The following CPLANE1 variants were observed in gnomAD, a reference collection of about 807,000 sequenced individuals.
CPLANE1 encodes ciliogenesis and planar polarity effector complex subunit 1, also known as ciliogenesis and planar polarity effector 1.
Under a neutral mutation model 362.5 loss-of-function variants are expected in CPLANE1, and 263 were observed. The observed-to-expected ratio is 0.73, with a 90% confidence interval of 0.66 to 0.80. The LOEUF (loss-of-function observed/expected upper bound fraction) is 0.80. CPLANE1 is among the 30% of genes least tolerant of loss of function. The probability of loss-of-function intolerance (pLI) is 0.00; values close to 1 mark genes in which losing one functional copy is unlikely to be tolerated. For synonymous variants in CPLANE1, 1,212 were observed against 1,302.6 expected (o/e 0.93, Z 1.50); for missense variants, 3,461 against 3,793.4 (o/e 0.91, Z 2.30).
chr5:37,160,892 C>T (rs1334511953), intron 38 of CPLANE1, among the ~76,000 whole-genome samples: 2 of 151,978 alleles, frequency 1.3e-5, no homozygotes, highest in East Asian at 1.9e-4. Context: ...AGGATGGTCT[C>T]GATCTCTTGA....
At chr5:37,118,178 G>A (rs1269115231) in intron 50 of CPLANE1, among the ~76,000 whole-genome samples, 2 of 151,914 alleles carry the variant, frequency 1.3e-5, no homozygotes, top group Non-Finnish European at 2.9e-5. Flanking sequence ...GTAGATGCTT[G>A]AGCTCAGGAG....
chr5:37,092,381 C>G, the CPLANE1 span, among the ~76,000 whole-genome samples: 1 of 152,232 alleles, frequency 6.6e-6, no homozygotes, highest in Non-Finnish European at 1.5e-5. Flanking sequence ...ACAGCCTTAG[C>G]TACAGGTAGC....
rs61112118 is a variant in CPLANE1 at position 37,187,060 on chromosome 5, C to CAAAAAAAAAAAAAAAAA, written c.4080+337_4080+353dup. On this transcript the variant is annotated intron_variant, in intron 23 of 52. Transcript: ENST00000651892. ...TGGGTGACAGAGCGAGACTCCGTCT[C>CAAAAAAAAAAAAAAAAA]AAAAAAAAAAAAAAAAAAAAAAAAA... Among the ~76,000 whole-genome samples the CAAAAAAAAAAAAAAAAA allele has an allele frequency of 8.3e-4, 42 of 50,404 alleles. 5 individuals are homozygous for CAAAAAAAAAAAAAAAAA. The highest frequency in any genetic ancestry group is 3.4e-3 in the African/African-American group (37 of 11,002). 33.1% of individuals were successfully genotyped at this position (50,404 alleles called of 152,430 possible). A position where few individuals can be genotyped will look rare whatever the true frequency, so the allele number is the denominator to read the frequency against.
chr5:37,204,531 A>G (rs1790126670), intron 18 of CPLANE1, among the ~76,000 whole-genome samples: 1 of 152,220 alleles, frequency 6.6e-6, no homozygotes, highest in African/African-American at 2.4e-5. Context: ...TCTATAATTT[A>G]TGCACTAGGT....
intron 44 of CPLANE1, chr5:37,139,791 T>C (rs772764528): frequency 1.8e-4 from 166 of 913,724 alleles, no homozygotes; most frequent in Non-Finnish European, 2.1e-4. Context: ...CTCAAGTGAT[T>C]CACCTGCCTT....
In CPLANE1 at chr5:37,169,022, C is replaced by T. The variant is rs753060120; in HGVS notation, c.7002G>A (p.Val2334=). 10 of 1,614,176 alleles carry T rather than the reference C, an allele frequency of 6.2e-6. No individual in the cohort carries two copies. In the East Asian group the frequency reaches 2.0e-4, roughly 32 times the overall value. The change falls in exon 34 of 53, where the codon GTG becomes GTA. Residue 2334 remains valine (V), a synonymous_variant. Transcript: ENST00000651892. ...ENLTPQQDSS[V]FIKPEKLFDV... is the part of the protein sequence containing the mutation. ...CAAATAGTTTTTCTGGTTTTATAAACACTGAAGAGTCCTGTTGAGGTGTCA... is the reference window on the plus strand; with the variant it reads ...CAAATAGTTTTTCTGGTTTTATAAATACTGAAGAGTCCTGTTGAGGTGTCA...
intron 21 of CPLANE1, among the ~76,000 whole-genome samples, chr5:37,192,132 T>C (rs1011683812): frequency 3.3e-5 from 5 of 152,238 alleles, no homozygotes; most frequent in African/African-American, 1.2e-4. Flanking sequence ...TTTCAATGTT[T>C]AGATATGTTT....
chr5:37,192,871 AC>A (rs1297221574), intron 21 of CPLANE1, among the ~76,000 whole-genome samples: 200 of 145,940 alleles, frequency 1.4e-3, no homozygotes, highest in Middle Eastern at 0.011. Flanking sequence ...AAAAAAAAAA[AC>A]AAATACCTCA....
chr5:37,136,366 G>A (rs1767710629), intron 46 of CPLANE1, among the ~76,000 whole-genome samples: 1 of 152,238 alleles, frequency 6.6e-6, no homozygotes, highest in Admixed American at 6.5e-5. Flanking sequence ...TCATGCTGAT[G>A]CAAGAGGTGG....
chr5:37,211,127 T>C, intron 16 of CPLANE1: 3 of 1,138,928 alleles, frequency 2.6e-6, no homozygotes. Context: ...TAAGTGGGGA[T>C]TTCTTGAACA....
chr5:37,138,116 T>C (rs1227414149), intron 46 of CPLANE1, among the ~76,000 whole-genome samples: 4 of 152,212 alleles, frequency 2.6e-5, no homozygotes, highest in Admixed American at 2.0e-4. Flanking sequence ...TTTGATGATA[T>C]GTCCAACTTT....
At chr5:37,162,092 C>G (rs1293868407) in intron 38 of CPLANE1, among the ~76,000 whole-genome samples, 2 of 152,106 alleles carry the variant, frequency 1.3e-5, no homozygotes, top group African/African-American at 2.4e-5. Flanking sequence ...AGTTAAATAC[C>G]CCTCCCTCAC....
At chr5:37,105,192 T>C (rs769245602), downstream of CPLANE1, among the ~76,000 whole-genome samples, 6 of 151,798 alleles carry the variant, frequency 4.0e-5, no homozygotes, top group Non-Finnish European at 7.4e-5. Flanking sequence ...CCCAGCTACT[T>C]GGGTAGTCGA....
chr5:37,184,876 G>C lies in CPLANE1; in HGVS notation c.4393C>G (p.Leu1465Val). Residue 1465 changes from leucine (L) to valine (V), a missense_variant, in exon 25 of 53, where the codon CTA becomes GTA. Physicochemically the swap from Leu to Val is conservative, Grantham distance 32. This residue lies in a region of CPLANE1 where 3,380 missense variants were observed against 3,666.1 expected (regional missense o/e 0.92). Coordinates refer to ENST00000651892, the MANE Select transcript of CPLANE1 (RefSeq NM_001384732.1). ...TSLSRSTLTELGDSVVHSDAD... is the reference protein window; with the variant it reads ...TSLSRSTLTEVGDSVVHSDAD... ...TCACTGTGAACCACAGAATCTCCTA[G>C]TTCTGTGAGTGTACTTCTGCTCAAA... is the stretch of plus-strand genomic sequence containing the variant. 1 of 1,613,722 alleles carries C rather than the reference G, an allele frequency of 6.2e-7. No individual in the cohort carries two copies. Among genetic ancestry groups the C allele is most frequent in the South Asian group, 1.1e-5 (1 of 91,064 alleles).
chr5:37,184,933 G>A lies in CPLANE1; in HGVS notation c.4336C>T (p.Pro1446Ser). 6.2e-7 allele frequency: 1 copy of A among 1,614,044 alleles called. No individual in the cohort carries two copies. The highest frequency in any genetic ancestry group is 8.5e-7 in the Non-Finnish European group (1 of 1,179,978). The change falls in exon 25 of 53, where the codon CCA becomes TCA. Residue 1446 changes from proline to serine, a missense_variant. Pro to Ser is a moderately conservative substitution (Grantham distance 74). Around this residue, in one of 2 missense-constraint regions of CPLANE1, gnomAD observed 3,380 missense variants for 3,666.1 expected, o/e 0.92. Transcript: ENST00000651892. ...CCCAGGGAATATCTGTCAACACCTG[G>A]AGCCTCATCTGGTTTCTCTTCTTCA... The part of the protein sequence containing the change: ...PIEEEKPDEA[P>S]GVDRYSLGTS...
Position 37,107,781 on chromosome 5 carries a change from A to G in CPLANE1, c.9580-3T>C. ...TCCTCTTCAGTTGGAGACAAGTCCTATTAAATTGAAAAGACAATTGTGGTC... is the reference window on the plus strand; with the variant it reads ...TCCTCTTCAGTTGGAGACAAGTCCTGTTAAATTGAAAAGACAATTGTGGTC... On this transcript the variant is annotated splice_polypyrimidine_tract_variant and splice_region_variant and intron_variant, in intron 52 of 52. Coordinates refer to ENST00000651892, the MANE Select transcript of CPLANE1 (RefSeq NM_001384732.1). 6.3e-7 allele frequency: 1 copy of G among 1,594,074 alleles called. No individual in the cohort carries two copies. The highest frequency in any genetic ancestry group is 8.6e-7 in the Non-Finnish European group (1 of 1,168,650).
chr5:37,159,406 C>A (rs1030427977), intron 38 of CPLANE1, among the ~76,000 whole-genome samples: 1 of 152,196 alleles, frequency 6.6e-6, no homozygotes, highest in African/African-American at 2.4e-5. Context: ...CCACCGCGCC[C>A]GGCCTAATTC....
At chr5:37,172,966 A>G (rs1780214657) in intron 32 of CPLANE1, among the ~76,000 whole-genome samples, 1 of 152,224 alleles carries the variant, frequency 6.6e-6, no homozygotes, top group South Asian at 2.1e-4. Context: ...CCTGGGCAAC[A>G]GAGTGAGACT....
At chr5:37,171,429 G>A (rs1163169321) in intron 32 of CPLANE1, among the ~76,000 whole-genome samples, 4 of 152,146 alleles carry the variant, frequency 2.6e-5, no homozygotes, top group African/African-American at 9.7e-5. Flanking sequence ...TATTTCCAAA[G>A]TCTAAGTGAT....
Sources: allele counts gnomAD v4.1 joint callset (sites outside exome capture counted in the v4.1 genomes callset), GRCh38; gene constraint gnomAD v4.1.1; regional missense constraint gnomAD v4.1.1; transcripts MANE v1.5; gene names NCBI Gene and HGNC (gene_info 2026-07-23, HGNC 2026-07-21).